RBFOX1: variants seen among roughly 807,000 people sequenced by gnomAD.
RBFOX1 encodes the protein RNA binding protein fox-1 homolog 1.
In RBFOX1, 8 loss-of-function variants were observed where a neutral mutation model predicts 57.7. The ratio of observed to expected loss-of-function variants is 0.14; its 90% CI spans 0.08 to 0.25. The LOEUF (loss-of-function observed/expected upper bound fraction) is 0.25, where lower values mean the gene tolerates loss of function less well. Among genes scored for constraint, RBFOX1 ranks in the 10% least tolerant of loss-of-function variants. RBFOX1 has a pLI of 1.00. For missense variants in RBFOX1, 611 were observed against 548.5 expected, an observed-to-expected ratio of 1.11 and a Z score of -1.14; for synonymous variants, 326 against 222.4, an observed-to-expected ratio of 1.47 and a Z score of -4.15.
chr16:7,272,781 A>T (rs964829729), intron 4 of RBFOX1, among the ~76,000 whole-genome samples: 2 of 152,102 alleles, frequency 1.3e-5, no homozygotes, highest in African/African-American at 4.8e-5. Context: ...CTTGCTTTGT[A>T]TTCTTTTCAC....
At chr16:6,073,545 G>A (rs1156672114) in intron 1 of RBFOX1, among the ~76,000 whole-genome samples, 1 of 152,188 alleles carries the variant, frequency 6.6e-6, no homozygotes, top group Admixed American at 6.5e-5. Context: ...TGAATTAGCT[G>A]AAGCATTTCC....
intron 1 of RBFOX1, among the ~76,000 whole-genome samples, chr16:6,160,658 C>A (rs1461278934): frequency 6.6e-6 from 1 of 152,140 alleles, no homozygotes; most frequent in South Asian, 2.1e-4. Flanking sequence ...TTTGTGAGAA[C>A]AAAGCTGGAG....
At chr16:7,445,859 A>C (rs531127122) in intron 4 of RBFOX1, among the ~76,000 whole-genome samples, 1 of 152,352 alleles carries the variant, frequency 6.6e-6, no homozygotes, top group African/African-American at 2.4e-5. Flanking sequence ...GAAGTGGGTT[A>C]ATAAATGTCT....
intron 4 of RBFOX1, among the ~76,000 whole-genome samples, chr16:5,968,027 G>A (rs2059884185): frequency 6.6e-6 from 1 of 152,074 alleles, no homozygotes; most frequent in Admixed American, 6.6e-5. Flanking sequence ...CCATCCTGAT[G>A]TTTACATCTG....
chr16:7,402,992 G>A (rs2098270213), intron 4 of RBFOX1, among the ~76,000 whole-genome samples: 1 of 152,124 alleles, frequency 6.6e-6, no homozygotes. Context: ...CTTGAAGGAG[G>A]AGGTGAACCT....
At chr16:6,734,796 A>G (rs1188529834) in intron 3 of RBFOX1, among the ~76,000 whole-genome samples, 2 of 152,138 alleles carry the variant, frequency 1.3e-5, no homozygotes, top group South Asian at 2.1e-4. Flanking sequence ...GATTTGTGGA[A>G]AATATTTTTT....
chr16:5,372,244 C>T (rs2065876432), intron 1 of RBFOX1, among the ~76,000 whole-genome samples: 1 of 152,176 alleles, frequency 6.6e-6, no homozygotes. Flanking sequence ...TTCACGGGTC[C>T]ACTGCAACAA....
intron 2 of RBFOX1, among the ~76,000 whole-genome samples, chr16:5,564,546 G>A (rs765345140): frequency 1.3e-5 from 2 of 151,928 alleles, no homozygotes; most frequent in African/African-American, 2.4e-5. Context: ...TTTCCCTTGC[G>A]GTCACTTAAA....
chr16:6,371,127 G>A (rs762198929), intron 2 of RBFOX1, among the ~76,000 whole-genome samples: 124 of 152,114 alleles, frequency 8.2e-4, no homozygotes, highest in African/African-American at 2.8e-3. Context: ...ATCATATGAT[G>A]TCTCTCAGAT....
At chr16:6,846,553 C>T (rs80009955) in intron 3 of RBFOX1, among the ~76,000 whole-genome samples, 1 of 152,218 alleles carries the variant, frequency 6.6e-6, no homozygotes, top group Non-Finnish European at 1.5e-5. Context: ...GGGAGCTGTT[C>T]GGGGAGCTGC....
At chr16:6,760,405 C>T (rs1330684289) in intron 3 of RBFOX1, among the ~76,000 whole-genome samples, 1 of 152,170 alleles carries the variant, frequency 6.6e-6, no homozygotes, top group Non-Finnish European at 1.5e-5. Flanking sequence ...TATCTTTTAA[C>T]TCTTGCTCTT....
chr16:5,249,873 C>T lies in RBFOX1; in HGVS notation c.219+9768C>T, dbSNP rs554769898. ...ATTTGGGAGGCTGAGGCAAGAGAAT[C>T]GCTTGAACCCAGAAGCAGCAGGTTG... On this transcript the variant is annotated intron_variant, in intron 1 of 2. Transcript: ENST00000585867. 5.3e-5 allele frequency among the ~76,000 whole-genome samples: 8 copies of T among 151,996 alleles called. No homozygotes were observed. The East Asian group carries it at 5.8e-4, about 11-fold the overall frequency.
At chr16:6,207,464 T>G (rs187679497) in intron 1 of RBFOX1, among the ~76,000 whole-genome samples, 1 of 152,182 alleles carries the variant, frequency 6.6e-6, no homozygotes, top group African/African-American at 2.4e-5. Context: ...AAAATCAAGG[T>G]GGTTTTTGTT....
intron 2 of RBFOX1, among the ~76,000 whole-genome samples, chr16:5,524,866 C>T (rs936680896): frequency 6.6e-6 from 1 of 152,184 alleles, no homozygotes; most frequent in South Asian, 2.1e-4. Flanking sequence ...GATTTAAACG[C>T]TTGTGCTACT....
intron 4 of RBFOX1, among the ~76,000 whole-genome samples, chr16:7,399,322 C>T (rs1403619017): frequency 6.6e-6 from 1 of 152,164 alleles, no homozygotes; most frequent in Non-Finnish European, 1.5e-5. Context: ...TGGCGCATGC[C>T]TGTAATCGCA....
At chr16:6,596,822 T>A (rs1263875358) in intron 2 of RBFOX1, among the ~76,000 whole-genome samples, 1 of 152,186 alleles carries the variant, frequency 6.6e-6, no homozygotes, top group Non-Finnish European at 1.5e-5. Context: ...ATAAGGCATT[T>A]ACAATTGAGA....
intron 3 of RBFOX1, among the ~76,000 whole-genome samples, chr16:5,724,510 C>A (rs1335674971): frequency 6.6e-6 from 1 of 152,096 alleles, no homozygotes; most frequent in South Asian, 2.1e-4. Flanking sequence ...AACCCAGGAC[C>A]CATTACCTAC....
chr16:6,062,295 C>T (rs1010928642), intron 1 of RBFOX1, among the ~76,000 whole-genome samples: 22 of 151,832 alleles, frequency 1.4e-4, no homozygotes, highest in African/African-American at 5.3e-4. Context: ...TCTTTAGCCC[C>T]CCTGCCCTCT....
At chr16:7,166,054 C>CCCAGGTTG (rs879868604) in intron 4 of RBFOX1, among the ~76,000 whole-genome samples, 60 of 152,050 alleles carry the variant, frequency 3.9e-4, no homozygotes, top group Middle Eastern at 3.4e-3. Context: ...CATTCTGTTG[C>CCCAGGTTG]CCAGGTTGGA....
Sources: allele counts gnomAD v4.1 joint callset (sites outside exome capture counted in the v4.1 genomes callset), GRCh38; gene constraint gnomAD v4.1.1; transcripts MANE v1.5; gene names NCBI Gene and HGNC (gene_info 2026-07-23, HGNC 2026-07-21).